The following LCLAT1 variants were observed in gnomAD, a reference collection of about 807,000 sequenced individuals.
LCLAT1 encodes the protein lysocardiolipin acyltransferase 1, also known as 1-AGP acyltransferase 8.
LCLAT1 carries 11 observed loss-of-function variants against 30.7 expected under a neutral mutation model. The ratio of observed to expected loss-of-function variants is 0.36; its 90% CI spans 0.23 to 0.59. The LOEUF is 0.59. Among genes scored for constraint, LCLAT1 ranks in the 20% least tolerant of loss-of-function variants. LCLAT1 has a pLI of 0.77. For synonymous variants in LCLAT1, 155 were observed against 151.3 expected (o/e 1.02, Z -0.18); for missense variants, 402 against 458.6 (o/e 0.88, Z 1.13).
chr2:30,619,465 C>G (rs1302247154), intron 5 of LCLAT1, among the ~76,000 whole-genome samples: 1 of 152,164 alleles, frequency 6.6e-6, no homozygotes, highest in African/African-American at 2.4e-5. Flanking sequence ...CATCTTATCC[C>G]ACCAATAAAG....
intron 5 of LCLAT1, among the ~76,000 whole-genome samples, chr2:30,616,901 C>T (rs957564653): frequency 6.6e-6 from 1 of 151,686 alleles, no homozygotes; most frequent in African/African-American, 2.4e-5. Context: ...ATAATGTTTT[C>T]TAACATTTTG....
intron 1 of LCLAT1, among the ~76,000 whole-genome samples, chr2:30,500,999 G>A (rs558227876): frequency 2.0e-5 from 3 of 151,828 alleles, no homozygotes; most frequent in African/African-American, 7.2e-5. Context: ...ATGATTGCCC[G>A]ACCCAACCAC....
At chr2:30,633,836 T>C (rs186972770) in intron 5 of LCLAT1, among the ~76,000 whole-genome samples, 179 of 152,346 alleles carry the variant, frequency 1.2e-3, no homozygotes, top group African/African-American at 4.1e-3. Flanking sequence ...TTGGATCTGA[T>C]ACTTAGGCAT....
At chr2:30,566,186 G>A (rs1410419937) in intron 4 of LCLAT1, among the ~76,000 whole-genome samples, 6 of 152,050 alleles carry the variant, frequency 3.9e-5, no homozygotes, top group African/African-American at 7.2e-5. Context: ...CATTTTTACC[G>A]TCCCACATTG....
At chr2:30,553,802 A>G (rs1039824078) in intron 3 of LCLAT1, among the ~76,000 whole-genome samples, 4 of 152,068 alleles carry the variant, frequency 2.6e-5, no homozygotes, top group Non-Finnish European at 4.4e-5. Context: ...GGCCTGGGCG[A>G]CAGAGCGAGA....
In LCLAT1 at chr2:30,455,909, CAAAAAAAAAAAAA is replaced by C. The variant is rs3060184; in HGVS notation, c.-5+8542_-5+8554del. ...TGGGTGACGGAGTGAGACCCTATAT[CAAAAAAAAAAAAA>C]AAAAAAAAAAAAAAATTGGAAGTGC... On this transcript the variant is annotated intron_variant, in intron 1 of 5. Transcript: ENST00000379509. 1.6e-4 allele frequency among the ~76,000 whole-genome samples: 10 copies of C among 61,002 alleles called. No homozygotes were observed. In the South Asian group the frequency reaches 4.7e-3, roughly 29 times the overall value. The allele number at this position is 61,002 out of a possible 152,430, so 40.0% of individuals were successfully genotyped here.
chr2:30,500,112 G>A (rs192172543), intron 1 of LCLAT1, among the ~76,000 whole-genome samples: 16 of 152,218 alleles, frequency 1.1e-4, no homozygotes, highest in Admixed American at 8.5e-4. Flanking sequence ...CATTTACACC[G>A]AATTCCATGG....
intron 3 of LCLAT1, among the ~76,000 whole-genome samples, chr2:30,545,752 TAAAAC>T (rs1315567213): frequency 1.3e-5 from 2 of 152,150 alleles, no homozygotes; most frequent in Non-Finnish European, 2.9e-5. Flanking sequence ...ATATTAAACT[TAAAAC>T]AGTCATAAAA....
chr2:30,503,886 G>A (rs1684521309), intron 1 of LCLAT1, among the ~76,000 whole-genome samples: 1 of 152,110 alleles, frequency 6.6e-6, no homozygotes. Flanking sequence ...CAAGACTCAG[G>A]CCTTGGTTGT....
At chr2:30,463,771 CT>C (rs2148278012) in intron 1 of LCLAT1, among the ~76,000 whole-genome samples, 1 of 152,236 alleles carries the variant, frequency 6.6e-6, no homozygotes, top group East Asian at 1.9e-4. Context: ...TCAAGAGGCC[CT>C]GGAACAGATC....
intron 5 of LCLAT1, among the ~76,000 whole-genome samples, chr2:30,575,309 A>C (rs1453288556): frequency 6.6e-6 from 1 of 151,582 alleles, no homozygotes; most frequent in Non-Finnish European, 1.5e-5. Flanking sequence ...TAGGATAGAG[A>C]TACTGTGCCG....
chr2:30,539,248 CTTTTTT>C (rs72012748), intron 3 of LCLAT1, among the ~76,000 whole-genome samples: 1 of 90,870 alleles, frequency 1.1e-5, no homozygotes, highest in African/African-American at 4.8e-5. Flanking sequence ...CGCGCCAGGC[CTTTTTT>C]TTTTTTTTTT....
At chr2:30,586,562 C>A (rs1167333235) in intron 5 of LCLAT1, among the ~76,000 whole-genome samples, 1 of 152,186 alleles carries the variant, frequency 6.6e-6, no homozygotes, top group African/African-American at 2.4e-5. Flanking sequence ...GAAATAGGTT[C>A]TTTGCAGATG....
chr2:30,465,816 GTATT>G (rs1401543357), intron 1 of LCLAT1, among the ~76,000 whole-genome samples: 1 of 152,020 alleles, frequency 6.6e-6, no homozygotes, highest in African/African-American at 2.4e-5. Context: ...ACAATAAAGT[GTATT>G]TATTTCTCTT....
At chr2:30,511,724 CTG>C (rs956791807) in intron 1 of LCLAT1, among the ~76,000 whole-genome samples, 1 of 152,192 alleles carries the variant, frequency 6.6e-6, no homozygotes, top group African/African-American at 2.4e-5. Flanking sequence ...ATGCCCTAAA[CTG>C]TGCATTTCCT....
chr2:30,557,860 T>C (rs1240939658), intron 3 of LCLAT1, among the ~76,000 whole-genome samples: 1 of 152,244 alleles, frequency 6.6e-6, no homozygotes, highest in Non-Finnish European at 1.5e-5. Context: ...CATGTATTTC[T>C]TTTATAATGC....
intron 5 of LCLAT1, among the ~76,000 whole-genome samples, chr2:30,612,428 G>T (rs143999012): frequency 7.2e-5 from 11 of 152,068 alleles, no homozygotes; most frequent in African/African-American, 2.7e-4. Flanking sequence ...TCCTTGTGGC[G>T]CCCTGTGCCT....
chr2:30,467,693 G>C (rs1162943094), intron 1 of LCLAT1, among the ~76,000 whole-genome samples: 2 of 152,224 alleles, frequency 1.3e-5, no homozygotes, highest in African/African-American at 4.8e-5. Flanking sequence ...GGCCAGTGAT[G>C]ATGAGCATTT....
At chr2:30,492,780 C>T (rs892524591) in intron 1 of LCLAT1, among the ~76,000 whole-genome samples, 4 of 152,106 alleles carry the variant, frequency 2.6e-5, no homozygotes, top group Admixed American at 1.3e-4. Context: ...AGCATAATCT[C>T]AGATTTCTTG....
Sources: gnomAD v4.1 joint callset for allele counts (sites outside exome capture counted in the v4.1 genomes callset) on GRCh38, gnomAD v4.1.1 for gene constraint, MANE v1.5 for transcripts, NCBI Gene and HGNC (gene_info 2026-07-23, HGNC 2026-07-21) for gene names.